Variants in LRP1B observed in about 807,000 individuals in gnomAD.
LRP1B encodes the protein low-density lipoprotein receptor-related protein 1B.
A neutral mutation model predicts 556.6 loss-of-function variants in LRP1B; 217 were observed. The observed-to-expected ratio is 0.39, with a 90% CI of 0.35 to 0.44. LRP1B has a LOEUF of 0.44. LRP1B is among the 20% of genes least tolerant of loss of function. The pLI, the probability that LRP1B is intolerant of heterozygous loss-of-function variation, is 1.00. For missense variants in LRP1B, 5,053 were observed against 5,620.8 expected (o/e 0.90, Z 3.23); for synonymous variants, 2,047 against 1,865.8 (o/e 1.10, Z -2.50).
At chr2:140,974,016 G>A (rs1044181378) in intron 18 of LRP1B, among the ~76,000 whole-genome samples, 5 of 152,168 alleles carry the variant, frequency 3.3e-5, no homozygotes, top group African/African-American at 9.7e-5. Context: ...AAAGCTGAAA[G>A]AAGTGGTGTG....
intron 2 of LRP1B, among the ~76,000 whole-genome samples, chr2:141,607,209 A>T (rs149005958): frequency 6.6e-6 from 1 of 152,146 alleles, no homozygotes; most frequent in Non-Finnish European, 1.5e-5. Context: ...CTCAAAACAG[A>T]CATAAGTGAG....
chr2:141,799,836 CAG>C (rs376730491), intron 2 of LRP1B, among the ~76,000 whole-genome samples: 6 of 84,146 alleles, frequency 7.1e-5, no homozygotes, highest in African/African-American at 3.0e-4. Context: ...GTGTGTATGA[CAG>C]AGAGAGAGGC....
rs116142599 is a variant in LRP1B at position 140,630,641 on chromosome 2, T to A, written c.6800-29002A>T. Among the ~76,000 whole-genome samples the A allele has an allele frequency of 3.0e-3, 453 of 152,182 alleles. 6 individuals carry two copies. Among genetic ancestry groups the A allele is most frequent in the African/African-American group, 0.011 (438 of 41,502 alleles). Reference sequence around the variant, plus strand: ...TTTGTGTGCTTTACTTCTAGGAACGTCACCACGTTCTCACAGTGAAGAATT... The same window carrying A: ...TTTGTGTGCTTTACTTCTAGGAACGACACCACGTTCTCACAGTGAAGAATT... On this transcript the variant is annotated intron_variant, in intron 41 of 90. Coordinates refer to ENST00000389484, the MANE Select transcript of LRP1B (RefSeq NM_018557.3).
At chr2:140,402,864 T>G (rs934324783) in intron 66 of LRP1B, among the ~76,000 whole-genome samples, 32 of 152,150 alleles carry the variant, frequency 2.1e-4, no homozygotes, top group African/African-American at 7.7e-4. Flanking sequence ...GAGGAAAAAT[T>G]AAGTAAATGA....
chr2:141,117,466 A>C (rs1700934785), intron 7 of LRP1B, among the ~76,000 whole-genome samples: 1 of 151,996 alleles, frequency 6.6e-6, no homozygotes, highest in Admixed American at 6.5e-5. Flanking sequence ...AAAGTGGAGA[A>C]AATGAAAAAT....
At chr2:140,270,995 A>G in intron 85 of LRP1B, among the ~76,000 whole-genome samples, 1 of 151,994 alleles carries the variant, frequency 6.6e-6, no homozygotes, top group Non-Finnish European at 1.5e-5. Flanking sequence ...AAGTAATGAG[A>G]CAGGCTTTCT....
intron 1 of LRP1B, among the ~76,000 whole-genome samples, chr2:142,073,968 GA>G (rs1481293432): frequency 6.6e-6 from 1 of 152,002 alleles, no homozygotes; most frequent in Non-Finnish European, 1.5e-5. Flanking sequence ...AAGGAATCGT[GA>G]GCCAATTAAA....
In LRP1B at chr2:141,159,177, T is replaced by A. The variant is rs546472717; in HGVS notation, c.1013+29244A>T. Among the ~76,000 whole-genome samples, 4 of 152,310 alleles carry A rather than the reference T, an allele frequency of 2.6e-5. No homozygotes were observed. The South Asian group carries it at 8.3e-4, about 32-fold the overall frequency. ...TTAGATTAGTCGTTATAAAACAACA[T>A]ATTTCTCACATATCACCTTAGCAAA... On this transcript the variant is annotated intron_variant, in intron 7 of 90. Transcript: ENST00000389484.
At chr2:141,629,388 G>A (rs1289300550) in intron 2 of LRP1B, among the ~76,000 whole-genome samples, 7 of 152,102 alleles carry the variant, frequency 4.6e-5, no homozygotes, top group Admixed American at 4.6e-4. Flanking sequence ...AATTAGTTGT[G>A]TGCACTTCTT....
At chr2:141,425,095 G>C (rs1385637376) in intron 3 of LRP1B, among the ~76,000 whole-genome samples, 1 of 148,366 alleles carries the variant, frequency 6.7e-6, no homozygotes, top group East Asian at 2.0e-4. Context: ...ACAGGCCACA[G>C]AGTGTGATGT....
intron 1 of LRP1B, among the ~76,000 whole-genome samples, chr2:141,899,053 G>T (rs1205215109): frequency 5.3e-5 from 8 of 152,108 alleles, no homozygotes; most frequent in African/African-American, 1.7e-4. Flanking sequence ...TATGAGAGCT[G>T]AATGAAATAC....
chr2:141,330,238 A>G (rs978872124), intron 3 of LRP1B, among the ~76,000 whole-genome samples: 1 of 152,196 alleles, frequency 6.6e-6, no homozygotes, highest in African/African-American at 2.4e-5. Context: ...CAACAGAACT[A>G]TATGTCCCAA....
chr2:141,718,218 TG>T (rs1165968819), intron 2 of LRP1B, among the ~76,000 whole-genome samples: 1 of 152,152 alleles, frequency 6.6e-6, no homozygotes, highest in African/African-American at 2.4e-5. Context: ...TAAACTGTCA[TG>T]GGGTAGTTTT....
intron 43 of LRP1B, among the ~76,000 whole-genome samples, chr2:140,584,707 C>T (rs1212829298): frequency 6.6e-6 from 1 of 152,016 alleles, no homozygotes; most frequent in Non-Finnish European, 1.5e-5. Context: ...ATTTGCAAGA[C>T]TAACCAAGCT....
At chr2:140,791,833 C>T (rs1690131060) in intron 32 of LRP1B, among the ~76,000 whole-genome samples, 1 of 152,112 alleles carries the variant, frequency 6.6e-6, no homozygotes, top group Admixed American at 6.5e-5. Context: ...CCTCCCAAAA[C>T]ATGCCACTTT....
In LRP1B at chr2:140,292,337, CAT is replaced by C. The variant is rs1317611722; in HGVS notation, c.12967+5469_12967+5470del. Among the ~76,000 whole-genome samples, 26 of 152,258 alleles carry C rather than the reference CAT, an allele frequency of 1.7e-4. No homozygotes were observed. The East Asian group carries it at 5.0e-3, about 29-fold the overall frequency. On this transcript the variant is annotated intron_variant, in intron 84 of 90. Transcript: ENST00000389484. ...ACATCTCTGGTATTAAAACATTACA[CAT>C]GTTTACTGAGTGTGATTTCTCTTGC...
rs555521513 is a variant in LRP1B at position 140,927,859 on chromosome 2, A to G, written c.3137-4712T>C. ...GAAGCTGGGACTACAGGCACCCGCC[A>G]TCATGCCCGGCTATTCATTTATTTT... On this transcript the variant is annotated intron_variant, in intron 20 of 90. Transcript: ENST00000389484. Among the ~76,000 whole-genome samples the G allele has an allele frequency of 1.6e-3, 236 of 151,990 alleles. 1 individual carries two copies. The highest frequency in any genetic ancestry group is 5.5e-3 in the African/African-American group (227 of 41,526).
chr2:141,937,838 T>A (rs943186119), intron 1 of LRP1B, among the ~76,000 whole-genome samples: 1 of 152,180 alleles, frequency 6.6e-6, no homozygotes, highest in African/African-American at 2.4e-5. Flanking sequence ...TACATTTAAG[T>A]CTTTCATCCA....
At chr2:140,742,112 G>C (rs1217366514) in intron 35 of LRP1B, among the ~76,000 whole-genome samples, 3 of 152,142 alleles carry the variant, frequency 2.0e-5, no homozygotes, top group African/African-American at 7.2e-5. Context: ...ATTAAGAATG[G>C]AGCATCTAAA....
Sources: allele counts gnomAD v4.1 joint callset (sites outside exome capture counted in the v4.1 genomes callset), GRCh38; gene constraint gnomAD v4.1.1; transcripts MANE v1.5; gene names NCBI Gene and HGNC (gene_info 2026-07-23, HGNC 2026-07-21).